The following SMPX variants were observed in gnomAD, a reference collection of about 807,000 sequenced individuals.
The protein encoded by SMPX is small muscle protein X-linked.
A neutral mutation model predicts 6.3 loss-of-function variants in SMPX; 2 were observed. That is an observed-to-expected ratio of 0.32 (90% CI 0.13 to 0.99). SMPX has a LOEUF of 0.99. SMPX is among the 50% of genes least tolerant of loss of function. The pLI is 0.49. For missense variants in SMPX, 60 were observed against 66.8 expected (o/e 0.90, Z 0.36); for synonymous variants, 32 against 24.7 (o/e 1.30, Z -0.88).
intron 3 of SMPX, among the ~76,000 whole-genome samples, chrX:21,738,410 G>A (rs746961464): frequency 9.0e-6 from 1 of 110,622 alleles, no homozygotes; most frequent in Admixed American, 9.6e-5. Context: ...CACATACAAT[G>A]GTAACTATAA....
Position 21,753,982 on chromosome X carries a change from AACAT to A in SMPX, c.45+260_45+263del, listed in dbSNP as rs775378195. ...TGAACACATCCAAAACATATCAAAA[AACAT>A]ACACACTAAATTTTTTAGAAGATAA... On this transcript the variant is annotated intron_variant, in intron 2 of 4. Coordinates refer to ENST00000379494, the MANE Select transcript of SMPX (RefSeq NM_014332.3). 3.4e-4 allele frequency among the ~76,000 whole-genome samples: 38 copies of A among 112,729 alleles called. 1 individual carries two copies. In the East Asian group the frequency reaches 8.9e-3, roughly 26 times the overall value.
intron 2 of SMPX, among the ~76,000 whole-genome samples, chrX:21,749,681 A>C (rs1011659191): frequency 8.9e-6 from 1 of 112,131 alleles, no homozygotes; most frequent in African/African-American, 3.2e-5. Context: ...CAAACCTAAC[A>C]TTAGGATCCA....
At chrX:21,757,102 G>A (rs2092833816) in intron 1 of SMPX, among the ~76,000 whole-genome samples, 1 of 111,719 alleles carries the variant, frequency 9.0e-6, no homozygotes, top group Admixed American at 9.5e-5. Flanking sequence ...TTAATAAGAA[G>A]GGATTCAGAG....
chrX:21,719,259 C>T (rs1462056785), intron 4 of SMPX, among the ~76,000 whole-genome samples: 1 of 111,793 alleles, frequency 8.9e-6, no homozygotes, highest in African/African-American at 3.3e-5. Flanking sequence ...GTGGCTCACG[C>T]CTGTAATCCC....
chrX:21,727,223 G>A (rs2092797969), intron 4 of SMPX: 2 of 112,416 alleles, frequency 1.8e-5, no homozygotes, highest in African/African-American at 6.5e-5. Context: ...GGTTAATTTG[G>A]CCAAGGTAAA....
At chrX:21,732,368 A>G (rs2092805948) in intron 4 of SMPX, among the ~76,000 whole-genome samples, 1 of 112,275 alleles carries the variant, frequency 8.9e-6, no homozygotes, top group African/African-American at 3.2e-5. Flanking sequence ...TCCCAGAGGA[A>G]TACAATCAAT....
intron 2 of SMPX, among the ~76,000 whole-genome samples, chrX:21,752,559 C>T (rs767376017): frequency 1.2e-4 from 13 of 110,882 alleles, no homozygotes; most frequent in African/African-American, 4.3e-4. Flanking sequence ...ACTCTGTTGT[C>T]CAGGCTGGAG....
chrX:21,747,332 T>C lies in SMPX; in HGVS notation c.46-3496A>G, dbSNP rs184483284. 5.0e-3 allele frequency among the ~76,000 whole-genome samples: 562 copies of C among 111,373 alleles called. 3 individuals carry two copies. Among genetic ancestry groups the C allele is most frequent in the Admixed American group, 7.9e-3 (82 of 10,433 alleles). On this transcript the variant is annotated intron_variant, in intron 2 of 4. Coordinates refer to ENST00000379494, the MANE Select transcript of SMPX (RefSeq NM_014332.3). ...GTGCATCACTTTCCTAAGCTATATA[T>C]AATTTGTTACATCCTCCAAGTTGGG...
At chrX:21,740,927 C>T (rs1374719065) in intron 3 of SMPX, among the ~76,000 whole-genome samples, 1 of 112,376 alleles carries the variant, frequency 8.9e-6, no homozygotes, top group Non-Finnish European at 1.9e-5. Context: ...TTAGTAGAGG[C>T]TTGTCAATAC....
intron 2 of SMPX, among the ~76,000 whole-genome samples, chrX:21,751,804 T>C (rs1203321198): frequency 1.8e-5 from 2 of 112,119 alleles, no homozygotes; most frequent in African/African-American, 6.5e-5. Context: ...ATTTACACAA[T>C]GAGGAGAGTC....
chrX:21,707,833 A>G (rs1264743208), intron 4 of SMPX, among the ~76,000 whole-genome samples: 3 of 112,516 alleles, frequency 2.7e-5, no homozygotes, highest in African/African-American at 9.7e-5. Flanking sequence ...ACCAGGCCCC[A>G]TGTAGAGCAG....
At position 21,706,259 on chromosome X, in the gene SMPX, G is replaced by C. The variant is rs755757762; in HGVS notation, c.*150C>G. On this transcript the variant is annotated 3_prime_UTR_variant, in exon 5 of 5. Transcript: ENST00000379494. Reference sequence around the variant, plus strand: ...AAGAAATACAGCCAACTAGAAGGAAGAGATATAAATGTACAAACAGGCCAT... The same window carrying C: ...AAGAAATACAGCCAACTAGAAGGAACAGATATAAATGTACAAACAGGCCAT... 3.8e-5 allele frequency: 19 copies of C among 502,024 alleles called. No individual in the cohort carries two copies. The African/African-American group carries it at 4.4e-4, about 12-fold the overall frequency. The allele number at this position is 502,024 out of a possible 1,213,427, so 41.4% of individuals were successfully genotyped here.
At chrX:21,743,056 A>C (rs1345575962) in intron 3 of SMPX, among the ~76,000 whole-genome samples, 2 of 111,943 alleles carry the variant, frequency 1.8e-5, no homozygotes, top group Admixed American at 1.9e-4. Flanking sequence ...TTCCCTATTT[A>C]TGGCATTCAT....
intron 4 of SMPX, among the ~76,000 whole-genome samples, chrX:21,728,256 CTCTCTCTCTCTCTCTCA>C (rs2092799561): frequency 1.5e-5 from 1 of 67,487 alleles, no homozygotes; most frequent in African/African-American, 5.1e-5. Context: ...CTCTCTCTCT[CTCTCTCTCTCTCTCTCA>C]TACTTTCTCT....
At chrX:21,719,317 G>A (rs1246044525) in intron 4 of SMPX, among the ~76,000 whole-genome samples, 2 of 111,202 alleles carry the variant, frequency 1.8e-5, no homozygotes, top group East Asian at 2.8e-4. Flanking sequence ...CCAGGAGTTC[G>A]AGACCAGCAT....
intron 2 of SMPX, among the ~76,000 whole-genome samples, chrX:21,751,608 A>T (rs2092827540): frequency 8.9e-6 from 1 of 112,158 alleles, no homozygotes; most frequent in Non-Finnish European, 1.9e-5. Flanking sequence ...AAACACAGGG[A>T]TCAGGGATCA....
intron 2 of SMPX, among the ~76,000 whole-genome samples, chrX:21,750,738 A>C (rs2092826613): frequency 8.9e-6 from 1 of 111,993 alleles, no homozygotes; most frequent in South Asian, 3.8e-4. Context: ...GTGGATGTGA[A>C]AGACTACTGT....
intron 4 of SMPX, among the ~76,000 whole-genome samples, chrX:21,710,276 G>A (rs1032891106): frequency 4.5e-5 from 5 of 112,080 alleles, no homozygotes; most frequent in African/African-American, 9.8e-5. Context: ...GGAGCTGAAG[G>A]TCATTATTCT....
chrX:21,734,739 C>T (rs2147385407), intron 4 of SMPX, among the ~76,000 whole-genome samples: 1 of 111,356 alleles, frequency 9.0e-6, no homozygotes, highest in African/African-American at 3.3e-5. Flanking sequence ...TTCCATAAGC[C>T]ATGATTTCTG....
Sources: allele counts gnomAD v4.1 joint callset (sites outside exome capture counted in the v4.1 genomes callset), GRCh38; gene constraint gnomAD v4.1.1; transcripts MANE v1.5; gene names NCBI Gene and HGNC (gene_info 2026-07-23, HGNC 2026-07-21).